The following DNAJC6 variants were observed in gnomAD, a reference collection of about 807,000 sequenced individuals.
The protein encoded by DNAJC6 is auxilin.
Under a neutral mutation model 110.0 loss-of-function variants are expected in DNAJC6, and 34 were observed. The ratio of observed to expected loss-of-function variants is 0.31; its 90% CI spans 0.24 to 0.41. The LOEUF is 0.41. DNAJC6 is among the 10% of genes least tolerant of loss of function. The probability of loss-of-function intolerance (pLI) is 1.00; values close to 1 mark genes in which losing one functional copy is unlikely to be tolerated. For synonymous variants in DNAJC6, 406 were observed against 437.2 expected (o/e 0.93, Z 0.89); for missense variants, 1,031 against 1,207.8 (o/e 0.85, Z 2.17).
intron 1 of DNAJC6, among the ~76,000 whole-genome samples, chr1:65,293,988 A>C (rs1644904506): frequency 1.3e-5 from 2 of 152,214 alleles, no homozygotes; most frequent in African/African-American, 4.8e-5. Flanking sequence ...ACTTTCACTC[A>C]GTTATCTTAA....
At chr1:65,333,876 A>G (rs549002855) in intron 1 of DNAJC6, among the ~76,000 whole-genome samples, 3 of 152,336 alleles carry the variant, frequency 2.0e-5, no homozygotes, top group Non-Finnish European at 4.4e-5. Flanking sequence ...AAGGATTTGT[A>G]GGTTGTTTGC....
At chr1:65,364,557 G>T in intron 1 of DNAJC6, 78 bp from the exon 2 acceptor site, 1 of 1,470,462 alleles carries the variant, frequency 6.8e-7, no homozygotes. Flanking sequence ...TATGTTTTAA[G>T]AATGAAGAGG....
At position 65,387,021 on chromosome 1, in the gene DNAJC6, G is replaced by A. The variant is rs1053901260; in HGVS notation, c.1113+92G>A. ...TTTCTCCCCATCACTTTGGGCTTGA[G>A]TCACTTGTAGTTTTAGAATGAAAAA... On this transcript the variant is annotated intron_variant, in intron 8 of 18. Transcript: ENST00000371069. 40 of 1,045,956 alleles carry A rather than the reference G, an allele frequency of 3.8e-5. 1 individual carries two copies. In the Admixed American group the frequency reaches 7.2e-4, roughly 19 times the overall value. 64.8% of individuals were successfully genotyped at this position (1,045,956 alleles called of 1,614,324 possible).
In DNAJC6 at chr1:65,392,863, A is replaced by G. The variant is rs1179325939; in HGVS notation, c.1901A>G (p.Glu634Gly). 1.3e-6 allele frequency: 2 copies of G among 1,510,218 alleles called. No homozygotes were observed. The allele number at this position is 1,510,218 out of a possible 1,614,324, so 93.6% of individuals were successfully genotyped here. A position where few individuals can be genotyped will look rare whatever the true frequency, so the allele number is the denominator to read the frequency against. Residue 634 changes from glutamate to glycine, a missense_variant and splice_region_variant, in exon 12 of 19, where the codon GAA (glutamate) becomes GGA (glycine). By Grantham distance (98) the Glu-to-Gly change is moderately conservative. Coordinates refer to ENST00000371069, the MANE Select transcript of DNAJC6 (RefSeq NM_001256864.2). The stretch of plus-strand genomic sequence containing the variant: ...GCGTCTCCAACCCTAAGAGTGGGAG[A>G]AGGTAATTTTTTCTATGTTGCACTG... ...TSASPTLRVG[E>G]GATFDPFGAP... is the part of the protein sequence containing the mutation.
intron 1 of DNAJC6, among the ~76,000 whole-genome samples, chr1:65,336,756 A>T (rs1368965929): frequency 5.3e-5 from 8 of 152,208 alleles, no homozygotes. Context: ...CAATCAGTCA[A>T]TCAGTCAATA....
chr1:65,270,495 A>G (rs1653468578), intron 1 of DNAJC6, among the ~76,000 whole-genome samples: 1 of 152,140 alleles, frequency 6.6e-6, no homozygotes, highest in African/African-American at 2.4e-5. Context: ...TCAATAAGGT[A>G]TTTATGGCTT....
At chr1:65,391,570 T>G (rs942396422) in intron 11 of DNAJC6, among the ~76,000 whole-genome samples, 8 of 152,104 alleles carry the variant, frequency 5.3e-5, no homozygotes, top group Non-Finnish European at 1.2e-4. Flanking sequence ...AGAGAAGGGA[T>G]TTGCTTTTGG....
chr1:65,334,293 T>C (rs1645314558), intron 1 of DNAJC6, among the ~76,000 whole-genome samples: 1 of 152,242 alleles, frequency 6.6e-6, no homozygotes, highest in Non-Finnish European at 1.5e-5. Flanking sequence ...AAAATGGCTT[T>C]CTTGAGATAA....
rs776147302 is a variant in DNAJC6 at position 65,364,754 on chromosome 1, A to G, written c.313A>G (p.Thr105Ala). ...KDNLKDTLKD[T>A]SSRVIQSVTS... Reference sequence around the variant, plus strand: ...CAACTTGAAAGACACCCTCAAAGACACATCTTCTAGAGTGATACAATCTGT... The same window carrying G: ...CAACTTGAAAGACACCCTCAAAGACGCATCTTCTAGAGTGATACAATCTGT... The change falls in exon 2 of 19, where the codon ACA becomes GCA. Residue 105 changes from threonine (T) to alanine (A), a missense_variant. Physicochemically the swap from Thr to Ala is moderately conservative, Grantham distance 58 (BLOSUM62 0). Transcript: ENST00000371069. The G allele has an allele frequency of 6.2e-7, 1 of 1,613,308 alleles. No individual in the cohort carries two copies. The highest frequency in any genetic ancestry group is 8.5e-7 in the Non-Finnish European group (1 of 1,179,484).
intron 14 of DNAJC6, 119 bp from the exon 15 acceptor site, chr1:65,401,642 T>G: frequency 7.1e-7 from 1 of 1,403,224 alleles, no homozygotes; most frequent in Non-Finnish European, 9.5e-7. Context: ...TTCTTAGACA[T>G]TTTCAAACCC....
At chr1:65,367,292 CTT>C (rs1485286171) in intron 4 of DNAJC6, among the ~76,000 whole-genome samples, 1 of 152,144 alleles carries the variant, frequency 6.6e-6, no homozygotes, top group Non-Finnish European at 1.5e-5. Flanking sequence ...GGGGACCACT[CTT>C]TGATAAAGCA....
chr1:65,360,478 C>A (rs1208957594), intron 1 of DNAJC6, among the ~76,000 whole-genome samples: 1 of 152,110 alleles, frequency 6.6e-6, no homozygotes, highest in Non-Finnish European at 1.5e-5. Context: ...GTTGAAGAGA[C>A]ATCTAATCAA....
chr1:65,304,159 A>G (rs1476702723), intron 1 of DNAJC6, among the ~76,000 whole-genome samples: 1 of 152,172 alleles, frequency 6.6e-6, no homozygotes, highest in African/African-American at 2.4e-5. Flanking sequence ...TTAGAGCATC[A>G]AGGAAACACA....
At chr1:65,302,352 C>T (rs1170402244) in intron 1 of DNAJC6, among the ~76,000 whole-genome samples, 3 of 138,814 alleles carry the variant, frequency 2.2e-5, no homozygotes, top group Non-Finnish European at 3.1e-5. Flanking sequence ...CCCTCCACAA[C>T]TCATGTTGAA....
At chr1:65,318,367 A>G (rs910445503) in intron 1 of DNAJC6, among the ~76,000 whole-genome samples, 4 of 152,194 alleles carry the variant, frequency 2.6e-5, no homozygotes, top group African/African-American at 9.6e-5. Context: ...ACGGCCTACA[A>G]AAGTCATACT....
intron 4 of DNAJC6, among the ~76,000 whole-genome samples, chr1:65,373,050 A>C (rs554111136): frequency 6.0e-4 from 91 of 152,306 alleles, no homozygotes; most frequent in African/African-American, 2.1e-3. Context: ...ATATGAGTAA[A>C]AAACATGCAA....
rs148619941 is a variant in DNAJC6, at chr1:65,392,840, G to A, written c.1878G>A (p.Ala626=). The A allele has an allele frequency of 5.2e-6, 8 of 1,536,694 alleles. No homozygotes were observed. The East Asian group carries it at 6.8e-5, about 13-fold the overall frequency. The part of the protein sequence containing the change: ...TPRRSATSTS[A]SPTLRVGEGA... ...GCCGCTCTGCCACCTCCACCTCTGCGTCTCCAACCCTAAGAGTGGGAGAAG... is the reference window on the plus strand; with the variant it reads ...GCCGCTCTGCCACCTCCACCTCTGCATCTCCAACCCTAAGAGTGGGAGAAG... Residue 626 remains alanine (A), a synonymous_variant, in exon 12 of 19, where the codon GCG becomes GCA. Coordinates refer to ENST00000371069, the MANE Select transcript of DNAJC6 (RefSeq NM_001256864.2).
intron 1 of DNAJC6, among the ~76,000 whole-genome samples, chr1:65,287,435 G>C (rs895378648): frequency 6.6e-6 from 1 of 152,040 alleles, no homozygotes; most frequent in African/African-American, 2.4e-5. Flanking sequence ...TCCTTCCTCA[G>C]TACCTCTTGA....
intron 1 of DNAJC6, among the ~76,000 whole-genome samples, chr1:65,333,500 G>A (rs1433303368): frequency 1.3e-5 from 2 of 152,102 alleles, no homozygotes; most frequent in Admixed American, 6.6e-5. Flanking sequence ...TGAGGAGACT[G>A]AGGCTTAAAG....
Sources: allele counts gnomAD v4.1 joint callset (sites outside exome capture counted in the v4.1 genomes callset), GRCh38; gene constraint gnomAD v4.1.1; transcripts MANE v1.5; gene names NCBI Gene and HGNC (gene_info 2026-07-23, HGNC 2026-07-21).